The following ERC1 variants were observed in gnomAD, a reference collection of about 807,000 sequenced individuals.
The protein encoded by ERC1 is ELKS/RAB6-interacting/CAST family member 1.
ERC1 carries 56 observed loss-of-function variants against 132.0 expected under a neutral mutation model. That is an observed-to-expected ratio of 0.42 (90% CI 0.34 to 0.53). The LOEUF (loss-of-function observed/expected upper bound fraction) is 0.53, where lower values mean the gene tolerates loss of function less well. Ranked by LOEUF, ERC1 falls within the 20% of genes least tolerant of loss-of-function variation. ERC1 has a pLI of 0.03. For missense variants in ERC1, 1,202 were observed against 1,349.9 expected (o/e 0.89, Z 1.72); for synonymous variants, 478 against 476.1 (o/e 1.00, Z -0.05).
At chr12:1,372,089 A>T in intron 16 of ERC1, 112 bp downstream of exon 16, 2 of 1,266,144 alleles carry the variant, frequency 1.6e-6, no homozygotes, top group East Asian at 2.4e-5. Flanking sequence ...TAGACATCTG[A>T]TCATTGGAGC....
intron 12 of ERC1, among the ~76,000 whole-genome samples, chr12:1,192,599 G>A (rs16928266): frequency 0.055 from 8,314 of 152,204 alleles, 493 homozygotes; most frequent in African/African-American, 0.15. Context: ...CTTGGCCATG[G>A]CTGTTTCTCA....
At chr12:1,260,782 A>G (rs2077093957) in intron 13 of ERC1, among the ~76,000 whole-genome samples, 1 of 152,230 alleles carries the variant, frequency 6.6e-6, no homozygotes, top group Admixed American at 6.5e-5. Context: ...CGTTAGAGCA[A>G]ATGCTTCCAT....
rs79805658 is a variant in ERC1 at position 1,179,172 on chromosome 12, A to G, written c.1738-1368A>G. 5.2e-3 allele frequency among the ~76,000 whole-genome samples: 792 copies of G among 152,254 alleles called. 11 individuals are homozygous for G. Among genetic ancestry groups the G allele is most frequent in the African/African-American group, 0.018 (747 of 41,538 alleles). Reference sequence around the variant, plus strand: ...CATGCTATTTCCACAGTGTTATCTCATAGTATGTTGAGTCCCCATCATCTT... The same window carrying G: ...CATGCTATTTCCACAGTGTTATCTCGTAGTATGTTGAGTCCCCATCATCTT... On this transcript the variant is annotated intron_variant, in intron 8 of 18. Transcript: ENST00000360905.
chr12:1,166,728 G>A (rs1394043733), intron 8 of ERC1, among the ~76,000 whole-genome samples: 1 of 152,270 alleles, frequency 6.6e-6, no homozygotes, highest in East Asian at 1.9e-4. Context: ...TTGCATTCCT[G>A]GGTAAAGATA....
At chr12:1,466,997 A>G (rs2093756106) in intron 18 of ERC1, among the ~76,000 whole-genome samples, 1 of 152,238 alleles carries the variant, frequency 6.6e-6, no homozygotes, top group Non-Finnish European at 1.5e-5. Flanking sequence ...TAATTTTAAC[A>G]CTAAAGATAA....
chr12:1,408,028 TA>T (rs2091617697), intron 16 of ERC1, 120 bp from the exon 17 acceptor site: 1 of 660,074 alleles, frequency 1.5e-6, no homozygotes, highest in African/African-American at 1.8e-5. Flanking sequence ...ATATTTAGTT[TA>T]TTTTATTGCA....
At chr12:1,278,814 T>C (rs1231193613) in intron 14 of ERC1, among the ~76,000 whole-genome samples, 1 of 152,142 alleles carries the variant, frequency 6.6e-6, no homozygotes, top group Non-Finnish European at 1.5e-5. Context: ...ATAGAACCCT[T>C]AATAAAAGGT....
chr12:1,273,599 T>C (rs2078033372), intron 14 of ERC1, among the ~76,000 whole-genome samples: 1 of 152,228 alleles, frequency 6.6e-6, no homozygotes, highest in African/African-American at 2.4e-5. Flanking sequence ...TGTTGAACAC[T>C]TAAAATTTGG....
intron 8 of ERC1, among the ~76,000 whole-genome samples, chr12:1,155,314 C>CAAAAAA (rs151006544): frequency 3.6e-5 from 2 of 55,086 alleles, no homozygotes; most frequent in Non-Finnish European, 7.0e-5. Flanking sequence ...GACTTCATCT[C>CAAAAAA]AAAAAAAAAA....
intron 2 of ERC1, among the ~76,000 whole-genome samples, chr12:1,038,696 G>C (rs1477030883): frequency 6.6e-6 from 1 of 152,144 alleles, no homozygotes; most frequent in Non-Finnish European, 1.5e-5. Context: ...TGAAGATTTT[G>C]AAGAAAGTAA....
At chr12:1,306,583 G>A (rs566365819) in intron 15 of ERC1, among the ~76,000 whole-genome samples, 15 of 152,286 alleles carry the variant, frequency 9.8e-5, no homozygotes, top group South Asian at 8.3e-4. Context: ...TTAAGACATC[G>A]GGAGATGAAT....
intron 12 of ERC1, among the ~76,000 whole-genome samples, chr12:1,232,842 A>G (rs894581397): frequency 6.6e-6 from 1 of 151,906 alleles, no homozygotes; most frequent in Non-Finnish European, 1.5e-5. Flanking sequence ...TAAGGGCTTT[A>G]TTGGTTTACT....
At chr12:1,431,361 C>A (rs1406324537) in intron 17 of ERC1, among the ~76,000 whole-genome samples, 1 of 152,072 alleles carries the variant, frequency 6.6e-6, no homozygotes, top group Non-Finnish European at 1.5e-5. Flanking sequence ...AACATTGGAC[C>A]CAATAGAAAC....
intron 8 of ERC1, among the ~76,000 whole-genome samples, chr12:1,180,252 G>GGT (rs1954254362): frequency 8.1e-6 from 1 of 123,358 alleles, no homozygotes; most frequent in South Asian, 2.4e-4. Context: ...TTTTGTTAGG[G>GGT]ATGTGTGTGT....
chr12:1,265,208 A>G (rs1389014450), intron 14 of ERC1, among the ~76,000 whole-genome samples: 1 of 151,948 alleles, frequency 6.6e-6, no homozygotes, highest in East Asian at 1.9e-4. Context: ...CCCTTTTTAT[A>G]TTCTCTCCTT....
At chr12:1,420,474 G>A (rs2092379648) in intron 17 of ERC1, among the ~76,000 whole-genome samples, 1 of 145,254 alleles carries the variant, frequency 6.9e-6, no homozygotes, top group South Asian at 2.1e-4. Flanking sequence ...TATTTATTTT[G>A]AGACGGAGTC....
chr12:1,093,941 A>AT (rs1491485416), intron 3 of ERC1, among the ~76,000 whole-genome samples: 2 of 114,006 alleles, frequency 1.8e-5, no homozygotes, highest in Non-Finnish European at 3.7e-5. Flanking sequence ...TTTTCTATAT[A>AT]AATATATATA....
At chr12:1,261,279 A>G (rs930286199) in intron 13 of ERC1, among the ~76,000 whole-genome samples, 1 of 152,214 alleles carries the variant, frequency 6.6e-6, no homozygotes, top group Non-Finnish European at 1.5e-5. Context: ...GTGGGATAGG[A>G]TAGACCGCAC....
At chr12:1,067,839 TTA>T (rs1227323058) in intron 2 of ERC1, among the ~76,000 whole-genome samples, 2 of 152,168 alleles carry the variant, frequency 1.3e-5, no homozygotes. Flanking sequence ...ATGAGCTAAT[TTA>T]TATTGTAAAA....
Sources: gnomAD v4.1 joint callset for allele counts (sites outside exome capture counted in the v4.1 genomes callset) on GRCh38, gnomAD v4.1.1 for gene constraint, MANE v1.5 for transcripts, NCBI Gene and HGNC (gene_info 2026-07-23, HGNC 2026-07-21) for gene names.